PTPN4: variants seen among roughly 807,000 people sequenced by gnomAD.
PTPN4 encodes tyrosine-protein phosphatase non-receptor type 4.
PTPN4 carries 49 observed loss-of-function variants against 135.5 expected under a neutral mutation model. The observed-to-expected ratio is 0.36, with a 90% confidence interval of 0.29 to 0.46. The LOEUF is 0.46. Among genes scored for constraint, PTPN4 ranks in the 20% least tolerant of loss-of-function variants. PTPN4 has a pLI of 1.00. For synonymous variants in PTPN4, 333 were observed against 369.9 expected (o/e 0.90, Z 1.14); for missense variants, 860 against 1,101.0 (o/e 0.78, Z 3.10).
intron 26 of PTPN4, among the ~76,000 whole-genome samples, chr2:119,970,567 T>A (rs930207519): frequency 1.3e-5 from 2 of 152,252 alleles, no homozygotes; most frequent in Non-Finnish European, 2.9e-5. Context: ...TACACTTTGG[T>A]CTTTTCTAAC....
chr2:119,886,340 C>T lies in PTPN4; in HGVS notation c.675+458C>T, dbSNP rs1678154500. ...ATGGAGCATATTAACATTTTTATCT[C>T]CCCCCATCCCTGTAGTGAAGTGGAA... On this transcript the variant is annotated intron_variant, in intron 9 of 26. Transcript: ENST00000263708. Among the ~76,000 whole-genome samples, 3 of 152,246 alleles carry T rather than the reference C, an allele frequency of 2.0e-5. No individual in the cohort carries two copies. In the South Asian group the frequency reaches 6.2e-4, roughly 32 times the overall value.
chr2:119,867,490 A>G (rs1294694276), intron 3 of PTPN4, among the ~76,000 whole-genome samples: 1 of 152,180 alleles, frequency 6.6e-6, no homozygotes, highest in Admixed American at 6.5e-5. Flanking sequence ...AACTTGGTAA[A>G]TAGAAAAAAC....
chr2:119,856,473 G>T (rs1415673156), intron 2 of PTPN4, among the ~76,000 whole-genome samples: 1 of 152,106 alleles, frequency 6.6e-6, no homozygotes, highest in Non-Finnish European at 1.5e-5. Context: ...AGTTAAAAGT[G>T]CCCCCATACT....
At chr2:119,796,028 T>A (rs1352879383) in intron 1 of PTPN4, among the ~76,000 whole-genome samples, 1 of 152,182 alleles carries the variant, frequency 6.6e-6, no homozygotes, top group Non-Finnish European at 1.5e-5. Context: ...GCCCCTGAGA[T>A]GCAGTGGGGA....
intron 2 of PTPN4, among the ~76,000 whole-genome samples, chr2:119,830,970 G>T (rs1228923162): frequency 6.6e-6 from 1 of 152,112 alleles, no homozygotes; most frequent in Non-Finnish European, 1.5e-5. Flanking sequence ...GTAGCAATAT[G>T]AGAACAGACT....
intron 1 of PTPN4, among the ~76,000 whole-genome samples, chr2:119,772,538 A>ATTTTAT (rs1690754623): frequency 6.6e-6 from 1 of 152,046 alleles, no homozygotes; most frequent in Admixed American, 6.6e-5. Flanking sequence ...AAGAAATTTT[A>ATTTTAT]TTTTATTTTT....
chr2:119,800,094 T>G (rs955443662), intron 1 of PTPN4, among the ~76,000 whole-genome samples: 1 of 152,230 alleles, frequency 6.6e-6, no homozygotes, highest in Non-Finnish European at 1.5e-5. Flanking sequence ...TCCTCCAGAT[T>G]GCTTTAAAGA....
intron 2 of PTPN4, among the ~76,000 whole-genome samples, chr2:119,834,320 T>C (rs1475330347): frequency 2.0e-5 from 3 of 152,188 alleles, no homozygotes; most frequent in Non-Finnish European, 4.4e-5. Flanking sequence ...ACCTTTCCCA[T>C]GGCTTACTTT....
At chr2:119,853,903 G>A (rs1406667591) in intron 2 of PTPN4, among the ~76,000 whole-genome samples, 1 of 152,008 alleles carries the variant, frequency 6.6e-6, no homozygotes. Context: ...ACGGACACAT[G>A]TGGCATGGTT....
intron 10 of PTPN4, among the ~76,000 whole-genome samples, chr2:119,913,788 C>T (rs1414730460): frequency 1.3e-5 from 2 of 151,894 alleles, no homozygotes; most frequent in African/African-American, 2.4e-5. Flanking sequence ...ATACTGTTTA[C>T]AAGAGACATA....
intron 1 of PTPN4, among the ~76,000 whole-genome samples, chr2:119,773,466 G>C: frequency 6.6e-6 from 1 of 152,036 alleles, no homozygotes; most frequent in African/African-American, 2.4e-5. Flanking sequence ...GGCTGGGCGC[G>C]GTGGCTCATG....
intron 3 of PTPN4, among the ~76,000 whole-genome samples, chr2:119,866,215 AG>A (rs1466972896): frequency 1.3e-5 from 2 of 152,038 alleles, no homozygotes; most frequent in Admixed American, 1.3e-4. Context: ...TATTTAACAG[AG>A]GCTTGAGATT....
chr2:119,766,414 C>T (rs1690618900), intron 1 of PTPN4, among the ~76,000 whole-genome samples: 1 of 151,282 alleles, frequency 6.6e-6, no homozygotes, highest in Admixed American at 6.6e-5. Flanking sequence ...TACCCGCTGC[C>T]TCCCCCATTT....
At chr2:119,778,724 TTAATA>T (rs770960741) in intron 1 of PTPN4, among the ~76,000 whole-genome samples, 31 of 152,208 alleles carry the variant, frequency 2.0e-4, no homozygotes, top group Non-Finnish European at 3.8e-4. Context: ...ATTCCTGTAT[TTAATA>T]TATAGTTAAT....
At chr2:119,761,277 A>C (rs2104912884) in intron 1 of PTPN4, among the ~76,000 whole-genome samples, 1 of 152,344 alleles carries the variant, frequency 6.6e-6, no homozygotes, top group Admixed American at 6.5e-5. Flanking sequence ...AGTAGAAAGA[A>C]GACTGGAACA....
At chr2:119,974,049 A>C (rs571236896) in intron 26 of PTPN4, among the ~76,000 whole-genome samples, 36 of 152,300 alleles carry the variant, frequency 2.4e-4, no homozygotes, top group Admixed American at 2.0e-3. Flanking sequence ...CAAGAAAAAC[A>C]TTTGATTCTT....
At chr2:119,942,346 C>T (rs1277708580) in intron 15 of PTPN4, among the ~76,000 whole-genome samples, 3 of 152,136 alleles carry the variant, frequency 2.0e-5, no homozygotes, top group African/African-American at 7.2e-5. Context: ...CCGATAGGCC[C>T]ATACAGGTTT....
At chr2:119,837,068 T>C (rs1677305860) in intron 2 of PTPN4, among the ~76,000 whole-genome samples, 1 of 152,148 alleles carries the variant, frequency 6.6e-6, no homozygotes, top group African/African-American at 2.4e-5. Context: ...ACCAGAAGCA[T>C]GGGGGCTGGG....
intron 2 of PTPN4, among the ~76,000 whole-genome samples, chr2:119,858,058 C>T (rs1024992270): frequency 2.6e-5 from 4 of 152,192 alleles, no homozygotes; most frequent in African/African-American, 4.8e-5. Flanking sequence ...CTGCTCTTGC[C>T]GTGTGATGTG....
Sources: allele counts gnomAD v4.1 joint callset (sites outside exome capture counted in the v4.1 genomes callset), GRCh38; gene constraint gnomAD v4.1.1; transcripts MANE v1.5; gene names NCBI Gene and HGNC (gene_info 2026-07-23, HGNC 2026-07-21).